Variants in ANKRD36C observed in about 807,000 individuals in gnomAD.
ANKRD36C encodes the protein ankyrin repeat domain 36C.
ANKRD36C carries 61 observed loss-of-function variants against 276.4 expected under a neutral mutation model. That is an observed-to-expected ratio of 0.22 (90% confidence interval 0.18 to 0.27). The LOEUF (loss-of-function observed/expected upper bound fraction) is 0.27. ANKRD36C is among the 10% of genes least tolerant of loss of function. ANKRD36C has a pLI of 1.00. For synonymous variants in ANKRD36C, 483 were observed against 680.1 expected (o/e 0.71, Z 4.51); for missense variants, 1,447 against 2,032.3 (o/e 0.71, Z 5.54).
In ANKRD36C at chr2:95,973,241, G is replaced by A. The variant is rs565781704; in HGVS notation, c.799+4881C>T. Reference sequence around the variant, plus strand: ...ATCCTGGCTAACACGGTGAAACCCCGTCTCTACTAAAAATATAAAAATTAG... The same window carrying A: ...ATCCTGGCTAACACGGTGAAACCCCATCTCTACTAAAAATATAAAAATTAG... On this transcript the variant is annotated intron_variant, in intron 6 of 66. Coordinates refer to ENST00000456556, the Ensembl canonical transcript of ANKRD36C. 3.4e-3 allele frequency among the ~76,000 whole-genome samples: 518 copies of A among 151,990 alleles called. 3 individuals are homozygous for A. The highest frequency in any genetic ancestry group is 5.1e-3 in the Non-Finnish European group (347 of 67,972).
intron 48 of ANKRD36C, among the ~76,000 whole-genome samples, chr2:95,889,393 TAC>T (rs1480053375): frequency 6.6e-6 from 1 of 151,646 alleles, no homozygotes; most frequent in East Asian, 1.9e-4. Context: ...CTTCTCATTC[TAC>T]AGTGTTTTTG....
At chr2:95,966,349 G>C (rs1274604050) in intron 6 of ANKRD36C, among the ~76,000 whole-genome samples, 2 of 152,120 alleles carry the variant, frequency 1.3e-5, no homozygotes, top group African/African-American at 2.4e-5. Flanking sequence ...TTTGTATAAA[G>C]TGTAAGGAAG....
intron 6 of ANKRD36C, among the ~76,000 whole-genome samples, chr2:95,969,742 C>A (rs1678661980): frequency 6.6e-6 from 1 of 152,104 alleles, no homozygotes; most frequent in Admixed American, 6.5e-5. Context: ...ATCACATAGC[C>A]ATTTTATCAT....
intron 40 of ANKRD36C, 34 bp from the exon 43 acceptor site, chr2:95,912,469 C>T (rs184728251): frequency 0.019 from 30,630 of 1,584,218 alleles, 636 homozygotes; most frequent in Non-Finnish European, 0.021. Flanking sequence ...ATCACTCACA[C>T]GTAAATATGA....
At chr2:95,857,794 C>A (rs1365589877) in intron 61 of ANKRD36C, among the ~76,000 whole-genome samples, 2 of 146,874 alleles carry the variant, frequency 1.4e-5, no homozygotes, top group African/African-American at 4.9e-5. Context: ...ACCCCCTTTC[C>A]CCTTTGTTTT....
exon 2 of ANKRD36C, chr2:95,987,140 T>C (rs2104545307): frequency 1.9e-6 from 3 of 1,551,196 alleles, no homozygotes; most frequent in East Asian, 2.4e-5. Context: ...TAAGCTCACA[T>C]CTTCTGGACA....
chr2:95,933,194 G>A, intron 24 of ANKRD36C, among the ~76,000 whole-genome samples: 1 of 152,304 alleles, frequency 6.6e-6, no homozygotes, highest in Non-Finnish European at 1.5e-5. Context: ...TAGCCTTGTA[G>A]TGTAGTTTGA....
intron 59 of ANKRD36C, among the ~76,000 whole-genome samples, chr2:95,875,001 G>A (rs147938160): frequency 0.049 from 7,428 of 152,216 alleles, 252 homozygotes; most frequent in Non-Finnish European, 0.073. Context: ...CACCAGTTAG[G>A]ATGGCAATCA....
exon 1 of ANKRD36C, chr2:95,991,628 G>C: frequency 1.9e-6 from 3 of 1,614,052 alleles, no homozygotes; most frequent in Non-Finnish European, 1.7e-6. Context: ...ACGGTTTAAT[G>C]GGGTATTGGG....
chr2:95,960,812 G>A, intron 8 of ANKRD36C, 145 bp from the exon 9 acceptor site: 4 of 541,634 alleles, frequency 7.4e-6, no homozygotes, highest in Middle Eastern at 1.0e-3. Context: ...ATTGGGACAG[G>A]AACATGACAG....
intron 29 of ANKRD36C, 33 bp from the exon 30 acceptor site, chr2:95,925,457 A>G (rs189328665): frequency 1.3e-6 from 2 of 1,547,730 alleles, no homozygotes; most frequent in African/African-American, 1.4e-5. Flanking sequence ...TAGTCAATAC[A>G]TAATATATAT....
intron 34 of ANKRD36C, among the ~76,000 whole-genome samples, chr2:95,921,098 A>G (rs1391048208): frequency 6.6e-6 from 1 of 150,688 alleles, no homozygotes; most frequent in Non-Finnish European, 1.5e-5. Context: ...CCTAAATTAT[A>G]TAAATAACTT....
Position 95,925,231 on chromosome 2 carries a change from A to C in ANKRD36C, c.2041+121T>G. 7 of 1,472,916 alleles carry C rather than the reference A, an allele frequency of 4.8e-6. No homozygotes were observed. In the South Asian group the frequency reaches 9.0e-5, roughly 19 times the overall value. The allele number at this position is 1,472,916 out of a possible 1,614,324, so 91.2% of individuals were successfully genotyped here. ...ACCTGACAACTTACTAGAAATGCACAATCTCAGGCCTGCTTAATCAGAAAG... is the reference window on the plus strand; with the variant it reads ...ACCTGACAACTTACTAGAAATGCACCATCTCAGGCCTGCTTAATCAGAAAG... On this transcript the variant is annotated intron_variant, in intron 30 of 66. Coordinates refer to ENST00000456556, the Ensembl canonical transcript of ANKRD36C.
chr2:95,974,885 T>C (rs1420154541), intron 6 of ANKRD36C, among the ~76,000 whole-genome samples: 2 of 146,680 alleles, frequency 1.4e-5, no homozygotes, highest in Admixed American at 6.9e-5. Context: ...TTCCCACCTA[T>C]GAGTGAGAAC....
chr2:95,878,713 C>T (rs1429163599), intron 58 of ANKRD36C, among the ~76,000 whole-genome samples: 6 of 152,114 alleles, frequency 3.9e-5, no homozygotes, highest in East Asian at 1.9e-4. Flanking sequence ...GAAAGGTGCT[C>T]GATGTCACTG....
At chr2:95,933,816 T>A (rs1163033290) in intron 24 of ANKRD36C, among the ~76,000 whole-genome samples, 6 of 152,294 alleles carry the variant, frequency 3.9e-5, no homozygotes, top group Admixed American at 6.5e-5. Flanking sequence ...ATGATCAGAG[T>A]GAACAGGCAA....
chr2:95,908,860 CT>C (rs1395871632), intron 42 of ANKRD36C, among the ~76,000 whole-genome samples, 163 bp from the exon 47 acceptor site: 1 of 151,292 alleles, frequency 6.6e-6, no homozygotes, highest in African/African-American at 2.4e-5. Context: ...CAGAAATACG[CT>C]GAGAAAAGGG....
At chr2:95,991,284 C>A (rs1174224307) in intron 1 of ANKRD36C, among the ~76,000 whole-genome samples, 1 of 86,870 alleles carries the variant, frequency 1.2e-5, no homozygotes, top group East Asian at 3.3e-4. Flanking sequence ...ACCCCATGCA[C>A]CCCCTACTCC....
intron 24 of ANKRD36C, among the ~76,000 whole-genome samples, chr2:95,932,880 G>T (rs1291020758): frequency 6.6e-6 from 1 of 152,198 alleles, no homozygotes; most frequent in Non-Finnish European, 1.5e-5. Context: ...GTATTGCCTA[G>T]ATTTTCTTCT....
Sources: allele counts gnomAD v4.1 joint callset (sites outside exome capture counted in the v4.1 genomes callset), GRCh38; gene constraint gnomAD v4.1.1; transcripts MANE v1.5; gene names NCBI Gene and HGNC (gene_info 2026-07-23, HGNC 2026-07-21).